The following COL15A1 variants were observed in gnomAD, a reference collection of about 807,000 sequenced individuals.
The protein encoded by COL15A1 is collagen alpha-1(XV) chain.
A neutral mutation model predicts 165.9 loss-of-function variants in COL15A1; 111 were observed. The observed-to-expected ratio is 0.67, with a 90% CI of 0.57 to 0.78. COL15A1 has a LOEUF of 0.78. COL15A1 is among the 30% of genes least tolerant of loss of function. The pLI, the probability that COL15A1 is intolerant of heterozygous loss-of-function variation, is 0.00. For synonymous variants in COL15A1, 659 were observed against 674.8 expected (o/e 0.98, Z 0.36); for missense variants, 1,745 against 1,789.7 (o/e 0.98, Z 0.45).
At position 99,000,942 on chromosome 9, in the gene COL15A1, TG is replaced by T; in HGVS notation, c.1057del (p.Glu353LysfsTer5). The T allele has an allele frequency of 2.0e-6, 3 of 1,485,270 alleles. No homozygotes were observed. The highest frequency in any genetic ancestry group is 2.8e-6 in the Non-Finnish European group (3 of 1,062,200). The allele number at this position is 1,485,270 out of a possible 1,614,324, so 92.0% of individuals were successfully genotyped here. ...GGGCTGGGGCCTTCCTTGACATTGC[TG>T]AAGAAAAGGTGAGTAGATGGTAAAT... ...SGAGAFLDIA[E>X]EKNLAATAAG... On this transcript the variant is annotated frameshift_variant, in exon 7 of 42. Transcript: ENST00000375001. LOFTEE classifies it high-confidence loss of function.
rs534707257 is a variant in COL15A1 at position 98,987,338 on chromosome 9, C to A, written c.693C>A (p.Pro231=). The A allele has an allele frequency of 3.7e-6, 6 of 1,613,314 alleles. No individual in the cohort carries two copies. In the African/African-American group the frequency reaches 6.7e-5, roughly 18 times the overall value. Residue 231 remains proline, a synonymous_variant, in exon 4 of 42, where the codon CCC becomes CCA. Transcript: ENST00000375001. Reference sequence around the variant, plus strand: ...CCGTGCACCCCGACCCCAGGACTCCCGAGGAGCTGTGTGACCCTGAAGAGT... The same window carrying A: ...CCGTGCACCCCGACCCCAGGACTCCAGAGGAGCTGTGTGACCCTGAAGAGT... ...QLTVHPDPRT[P]EELCDPEESS...
At chr9:99,025,142 C>T in intron 15 of COL15A1, 143 bp downstream of exon 15, 1 of 616,718 alleles carries the variant, frequency 1.6e-6, no homozygotes, top group East Asian at 3.0e-5. Flanking sequence ...CAGAAATCCT[C>T]CTCATCTGAA....
At chr9:99,019,867 C>T (rs1219893085) in intron 11 of COL15A1, among the ~76,000 whole-genome samples, 2 of 152,082 alleles carry the variant, frequency 1.3e-5, no homozygotes, top group African/African-American at 4.8e-5. Flanking sequence ...GAGCTTTGCT[C>T]CTAGGGGTCC....
In COL15A1 at chr9:99,000,928, T is replaced by C; in HGVS notation, c.1042T>C (p.Phe348Leu). Residue 348 changes from phenylalanine (F) to leucine (L), a missense_variant, in exon 7 of 42, where the codon TTC becomes CTC. Phe to Leu is a conservative substitution (Grantham distance 22). Transcript: ENST00000375001. ...TGACAGCGGCTCAGGGGCTGGGGCC[T>C]TCCTTGACATTGCTGAAGAAAAGGT... ...ITDSGSGAGA[F>L]LDIAEEKNLA... is the part of the protein sequence containing the mutation. The C allele has an allele frequency of 6.4e-7, 1 of 1,552,832 alleles. No individual in the cohort carries two copies. Among genetic ancestry groups the C allele is most frequent in the South Asian group, 1.1e-5 (1 of 89,856 alleles).
chr9:99,049,565 C>A (rs1328540775), intron 28 of COL15A1, 125 bp from the exon 29 acceptor site: 1 of 1,199,778 alleles, frequency 8.3e-7, no homozygotes, highest in East Asian at 2.5e-5. Context: ...CCCTGAGCAA[C>A]CTGAGAGAGA....
intron 2 of COL15A1, 115 bp from the exon 3 acceptor site, chr9:98,985,450 C>T: frequency 1.9e-6 from 2 of 1,042,038 alleles, no homozygotes; most frequent in Non-Finnish European, 1.4e-6. Flanking sequence ...TTAGGAACTA[C>T]AGTTTCAGTG....
intron 5 of COL15A1, among the ~76,000 whole-genome samples, 182 bp from the exon 6 acceptor site, chr9:98,996,752 C>T (rs1838551453): frequency 1.3e-5 from 2 of 152,220 alleles, no homozygotes; most frequent in African/African-American, 4.8e-5. Flanking sequence ...CTCTAGTAGG[C>T]ACCTCTTTCA....
intron 5 of COL15A1, among the ~76,000 whole-genome samples, chr9:98,995,649 A>G (rs534128904): frequency 7.9e-5 from 12 of 152,250 alleles, no homozygotes; most frequent in Admixed American, 3.3e-4. Flanking sequence ...CTCATTCTCC[A>G]AGGCCCAACT....
At chr9:99,057,260 G>A (rs1825735395) in intron 35 of COL15A1, among the ~76,000 whole-genome samples, 2 of 152,158 alleles carry the variant, frequency 1.3e-5, no homozygotes, top group Admixed American at 1.3e-4. Context: ...GGTATGAAGT[G>A]ATATCTCACT....
Position 98,997,052 on chromosome 9 carries a change from G to A in COL15A1, c.923G>A (p.Ser308Asn), listed in dbSNP as rs1265944682. 4 of 1,614,076 alleles carry A rather than the reference G, an allele frequency of 2.5e-6. No homozygotes were observed. Among genetic ancestry groups the A allele is most frequent in the East Asian group, 2.2e-5 (1 of 44,888 alleles). ...GGGACCCTGGAAACCACCAACATGA[G>A]CATCATCCAGCACAGCAGCCCCAAA... ...PEGTLETTNM[S>N]IIQHSSPKQG... Residue 308 changes from serine (S) to asparagine (N), a missense_variant, in exon 6 of 42, where the codon AGC (serine) becomes AAC (asparagine). Physicochemically the swap from Ser to Asn is conservative, Grantham distance 46 (BLOSUM62 1). Transcript: ENST00000375001.
chr9:98,952,481 C>A (rs1837704447), intron 2 of COL15A1, among the ~76,000 whole-genome samples: 1 of 152,158 alleles, frequency 6.6e-6, no homozygotes, highest in Admixed American at 6.5e-5. Context: ...TTTCTTCTAG[C>A]TAAATATGTA....
chr9:99,040,496 G>T, intron 22 of COL15A1, 25 bp from the exon 23 acceptor site: 2 of 1,614,116 alleles, frequency 1.2e-6, no homozygotes, highest in Non-Finnish European at 1.7e-6. Context: ...CTAATCCAGC[G>T]TGCTCTATCT....
chr9:98,992,107 G>A (rs988649772), intron 5 of COL15A1, among the ~76,000 whole-genome samples: 33 of 152,254 alleles, frequency 2.2e-4, no homozygotes, highest in African/African-American at 7.2e-4. Context: ...CCAGTCCCAC[G>A]CTGCCTCCTC....
At chr9:99,048,589 C>T (rs1031787047) in intron 28 of COL15A1, among the ~76,000 whole-genome samples, 1 of 152,056 alleles carries the variant, frequency 6.6e-6, no homozygotes, top group African/African-American at 2.4e-5. Flanking sequence ...ATGTGCACAA[C>T]ATGCAGGTTT....
chr9:98,952,743 C>T (rs569301837), intron 2 of COL15A1, among the ~76,000 whole-genome samples: 25 of 152,330 alleles, frequency 1.6e-4, no homozygotes, highest in African/African-American at 6.0e-4. Context: ...AGGTTTCCCC[C>T]AAGTACTAAT....
At chr9:98,981,654 G>A (rs1243887178) in intron 2 of COL15A1, among the ~76,000 whole-genome samples, 1 of 152,184 alleles carries the variant, frequency 6.6e-6, no homozygotes, top group African/African-American at 2.4e-5. Flanking sequence ...ACATACAAAT[G>A]CGTGGGAGTG....
At chr9:99,013,284 G>C (rs887765781) in intron 9 of COL15A1, among the ~76,000 whole-genome samples, 2 of 151,994 alleles carry the variant, frequency 1.3e-5, no homozygotes, top group African/African-American at 4.8e-5. Context: ...GCATGTCATG[G>C]GGGGGTCAAC....
At chr9:98,982,343 A>G (rs1281203355) in intron 2 of COL15A1, among the ~76,000 whole-genome samples, 1 of 152,254 alleles carries the variant, frequency 6.6e-6, no homozygotes, top group Non-Finnish European at 1.5e-5. Context: ...TATAATCAAT[A>G]TAAATAGTAT....
intron 21 of COL15A1, among the ~76,000 whole-genome samples, chr9:99,038,264 A>G (rs918043933): frequency 6.6e-6 from 1 of 152,136 alleles, no homozygotes; most frequent in African/African-American, 2.4e-5. Flanking sequence ...CCAAAATTCC[A>G]CATGGAAAGA....
Sources: gnomAD v4.1 joint callset for allele counts (sites outside exome capture counted in the v4.1 genomes callset) on GRCh38, gnomAD v4.1.1 for gene constraint, MANE v1.5 for transcripts, NCBI Gene and HGNC (gene_info 2026-07-23, HGNC 2026-07-21) for gene names.